Variants in PASD1 observed in about 807,000 individuals in gnomAD.
PASD1 encodes the protein PAS domain containing repressor 1.
In PASD1, 13 loss-of-function variants were observed where a neutral mutation model predicts 58.8. The ratio of observed to expected loss-of-function variants is 0.22; its 90% CI spans 0.14 to 0.35. PASD1 has a LOEUF of 0.35. Among genes scored for constraint, PASD1 ranks in the 10% least tolerant of loss-of-function variants. PASD1 has a pLI of 1.00. For synonymous variants in PASD1, 236 were observed against 216.7 expected, an observed-to-expected ratio of 1.09 and a Z score of -0.78; for missense variants, 734 against 568.3, an observed-to-expected ratio of 1.29 and a Z score of -2.96.
chrX:151,634,508 T>G (rs2013906169), intron 8 of PASD1, among the ~76,000 whole-genome samples: 1 of 111,157 alleles, frequency 9.0e-6, no homozygotes, highest in Non-Finnish European at 1.9e-5. Flanking sequence ...TTTTTTGGTA[T>G]AGGATCCAAT....
At chrX:151,627,362 C>G (rs1057421775) in intron 8 of PASD1, among the ~76,000 whole-genome samples, 1 of 109,033 alleles carries the variant, frequency 9.2e-6, no homozygotes, top group African/African-American at 3.3e-5. Context: ...CCACTCCCCC[C>G]ACCCCACAAC....
chrX:151,598,901 T>A (rs907072106), intron 1 of PASD1, among the ~76,000 whole-genome samples: 6 of 110,270 alleles, frequency 5.4e-5, no homozygotes, highest in Non-Finnish European at 1.1e-4. Context: ...AGGACAATAG[T>A]GGAGGGAAGG....
chrX:151,596,224 C>G (rs1338211336), intron 1 of PASD1, among the ~76,000 whole-genome samples: 2 of 111,860 alleles, frequency 1.8e-5, no homozygotes, highest in Non-Finnish European at 3.8e-5. Flanking sequence ...ATGAGAAGTT[C>G]AAGGGGATGG....
In PASD1 at chrX:151,672,448, A is replaced by C; in HGVS notation, c.1703A>C (p.Gln568Pro). The C allele has an allele frequency of 8.3e-7, 1 of 1,212,063 alleles. No homozygotes were observed. Among genetic ancestry groups the C allele is most frequent in the Non-Finnish European group, 1.1e-6 (1 of 895,626 alleles). The change falls in exon 14 of 16, where the codon CAA becomes CCA. Residue 568 changes from glutamine to proline, a missense_variant. Transcript: ENST00000370357. The stretch of plus-strand genomic sequence containing the variant: ...GAGGAGCAGCAGAAGCAGCAGCTGC[A>C]AGAGCAGCCACTGAAGCATAATGTC... ...PEEEQQKQQL[Q>P]EQPLKHNVIV...
At chrX:151,619,378 G>T (rs1829362443) in intron 4 of PASD1, among the ~76,000 whole-genome samples, 1 of 111,206 alleles carries the variant, frequency 9.0e-6, no homozygotes, top group South Asian at 3.8e-4. Context: ...TTATCATGGG[G>T]GCAAGAGACG....
chrX:151,599,745 A>T (rs1466434130), intron 1 of PASD1, among the ~76,000 whole-genome samples: 1 of 91,541 alleles, frequency 1.1e-5, no homozygotes, highest in African/African-American at 4.2e-5. Context: ...CCTAGATGGG[A>T]TGACGGCTGG....
intron 1 of PASD1, among the ~76,000 whole-genome samples, chrX:151,564,260 C>T (rs958556686): frequency 4.4e-5 from 5 of 112,664 alleles, no homozygotes; most frequent in Non-Finnish European, 9.4e-5. Context: ...GTCTGGGGCG[C>T]GTCTCCATTA....
chrX:151,668,671 C>A (rs1285996174), intron 11 of PASD1, among the ~76,000 whole-genome samples: 1 of 110,915 alleles, frequency 9.0e-6, no homozygotes, highest in African/African-American at 3.3e-5. Context: ...GAAGCTGAAT[C>A]TCTGAATAGA....
intron 1 of PASD1, among the ~76,000 whole-genome samples, chrX:151,569,922 C>T (rs754614416): frequency 4.5e-5 from 5 of 110,925 alleles, no homozygotes; most frequent in Non-Finnish European, 7.6e-5. Context: ...CCTTTTCACT[C>T]GGTGGTATAT....
chrX:151,651,625 CATTT>C (rs1341488826), intron 9 of PASD1, among the ~76,000 whole-genome samples: 7 of 112,153 alleles, frequency 6.2e-5, no homozygotes, highest in African/African-American at 2.3e-4. Flanking sequence ...GGCATTTAGT[CATTT>C]ATTCATTCAA....
chrX:151,598,833 T>A (rs1322562022), intron 1 of PASD1, among the ~76,000 whole-genome samples: 2 of 111,355 alleles, frequency 1.8e-5, no homozygotes, highest in Admixed American at 1.9e-4. Flanking sequence ...TATTATTATT[T>A]TAGTATTTAT....
intron 14 of PASD1, chrX:151,672,903 T>G: frequency 2.4e-6 from 1 of 422,213 alleles, no homozygotes. Context: ...AAGGACTAGA[T>G]AAGGAAGCCT....
intron 8 of PASD1, among the ~76,000 whole-genome samples, chrX:151,638,448 A>AG (rs1327627863): frequency 9.0e-6 from 1 of 110,532 alleles, no homozygotes; most frequent in Non-Finnish European, 1.9e-5. Context: ...TAAAAAAAAA[A>AG]AAAAGAAAAG....
intron 8 of PASD1, among the ~76,000 whole-genome samples, chrX:151,632,460 C>G (rs186091942): frequency 9.0e-6 from 1 of 111,535 alleles, no homozygotes; most frequent in African/African-American, 3.3e-5. Flanking sequence ...GAGGAACATT[C>G]AGAGCATGCA....
chrX:151,639,691 C>T (rs1213496445), intron 8 of PASD1, among the ~76,000 whole-genome samples: 2 of 111,795 alleles, frequency 1.8e-5, no homozygotes, highest in Non-Finnish European at 3.8e-5. Context: ...GCCTTGAGAT[C>T]ACAGAGACTG....
chrX:151,608,139 A>C (rs1163953052), intron 3 of PASD1, among the ~76,000 whole-genome samples: 3 of 111,598 alleles, frequency 2.7e-5, no homozygotes, highest in Admixed American at 1.9e-4. Context: ...ACTCTGTTTC[A>C]CTGTGTATTT....
In PASD1 at chrX:151,609,275, T is replaced by C. The variant is rs765201202; in HGVS notation, c.118-2389T>C. On this transcript the variant is annotated intron_variant, in intron 3 of 15. Transcript: ENST00000370357. ...TATAAATACTTTGTAATCTCCATTA[T>C]TACTTATTATTTGGCCTATTTTTTT... 2.8e-4 allele frequency among the ~76,000 whole-genome samples: 31 copies of C among 111,804 alleles called. 1 individual carries two copies. The highest frequency in any genetic ancestry group is 4.5e-4 in the Non-Finnish European group (24 of 53,121).
rs767163908 is a variant in PASD1 at position 151,655,554 on chromosome X, T to C, written c.718-4159T>C. ...TTTTAATGATTTTTATTCTAACTGG[T>C]GTGAGATGGTATCTCATTGTGGTTT... is the stretch of plus-strand genomic sequence containing the variant. On this transcript the variant is annotated intron_variant, in intron 9 of 15. Coordinates refer to ENST00000370357, the MANE Select transcript of PASD1 (RefSeq NM_173493.3). Among the ~76,000 whole-genome samples the C allele has an allele frequency of 2.7e-5, 3 of 112,084 alleles. No individual in the cohort carries two copies. The South Asian group carries it at 1.1e-3, about 43-fold the overall frequency.
In PASD1 at chrX:151,625,496, G is replaced by A. The variant is rs769377789; in HGVS notation, c.595G>A (p.Asp199Asn). ...AVSDEAVLTQ[D>N]SDEEPFVGEL... ...CAGTGATGAAGCTGTACTTACACAA[G>A]ATTCAGATGAGGAACCTTTTGTGGG... The change falls in exon 8 of 16, where the codon GAT becomes AAT. Residue 199 changes from aspartate (D) to asparagine (N), a missense_variant. Transcript: ENST00000370357. The A allele has an allele frequency of 8.3e-7, 1 of 1,208,931 alleles. No homozygotes were observed. Among genetic ancestry groups the A allele is most frequent in the Non-Finnish European group, 1.1e-6 (1 of 893,582 alleles).
Sources: gnomAD v4.1 joint callset for allele counts (sites outside exome capture counted in the v4.1 genomes callset) on GRCh38, gnomAD v4.1.1 for gene constraint, MANE v1.5 for transcripts, NCBI Gene and HGNC (gene_info 2026-07-23, HGNC 2026-07-21) for gene names.